Variants in PLEKHA4 observed in about 807,000 individuals in gnomAD.
PLEKHA4 encodes pleckstrin homology domain-containing family A member 4.
In PLEKHA4, 73 loss-of-function variants were observed where a neutral mutation model predicts 94.7. The observed-to-expected ratio is 0.77, with a 90% CI of 0.64 to 0.94. The LOEUF is 0.94. Among genes scored for constraint, PLEKHA4 ranks in the 40% least tolerant of loss-of-function variants. The pLI, the probability that PLEKHA4 is intolerant of heterozygous loss-of-function variation, is 0.00. For synonymous variants in PLEKHA4, 449 were observed against 437.1 expected (o/e 1.03, Z -0.34); for missense variants, 1,049 against 1,054.1 (o/e 1.00, Z 0.07).
intron 2 of PLEKHA4, 125 bp from the exon 3 acceptor site, chr19:48,865,735 C>A: frequency 1.6e-6 from 1 of 630,556 alleles, no homozygotes; most frequent in Non-Finnish European, 2.8e-6. Flanking sequence ...CAAGGACCAG[C>A]CGGGCGCAGT....
At chr19:48,854,175 A>G (rs376349508) in intron 10 of PLEKHA4, 42 bp downstream of exon 10, 1 of 1,606,524 alleles carries the variant, frequency 6.2e-7, no homozygotes, top group East Asian at 2.2e-5. Context: ...TTCTCTCCCC[A>G]ACTCTGGGAA....
At chr19:48,861,371 C>T in intron 5 of PLEKHA4, 30 bp downstream of exon 5, 1 of 1,586,442 alleles carries the variant, frequency 6.3e-7, no homozygotes, top group Non-Finnish European at 8.6e-7. Flanking sequence ...TTCCCATCGC[C>T]TGGTGCACAA....
Position 48,837,317 on chromosome 19 carries a change from C to G in PLEKHA4, c.2312G>C (p.Arg771Pro), listed in dbSNP as rs1405342741. 22 of 1,613,816 alleles carry G rather than the reference C, an allele frequency of 1.4e-5. No individual in the cohort carries two copies. Among genetic ancestry groups the G allele is most frequent in the Non-Finnish European group, 1.9e-5 (22 of 1,180,032 alleles). Reference sequence around the variant, plus strand: ...GAAGCTGGATTGTAGCAGAGTGACTCGCAGAGGCCATGCCCCCTCGTCTTG... The same window carrying G: ...GAAGCTGGATTGTAGCAGAGTGACTGGCAGAGGCCATGCCCCCTCGTCTTG... Reference protein sequence around the residue: ...LPQDEGAWPLRVTLLQSSF With the variant: ...LPQDEGAWPLPVTLLQSSF The change falls in exon 20 of 20, where the codon CGA (arginine) becomes CCA (proline). Residue 771 changes from arginine (R) to proline (P), a missense_variant. Physicochemically the swap from Arg to Pro is moderately radical, Grantham distance 103. Coordinates refer to ENST00000263265, the MANE Select transcript of PLEKHA4 (RefSeq NM_020904.3). This position sits in a 1 kb window ranked among gnomAD's most constrained non-coding sequence, Gnocchi z 4.3.
intron 9 of PLEKHA4, among the ~76,000 whole-genome samples, chr19:48,855,603 CAAAT>C (rs35146886): frequency 0.1 from 14,828 of 142,778 alleles, 1,012 homozygotes; most frequent in Non-Finnish European, 0.15. Flanking sequence ...GATTTCGTCT[CAAAT>C]AAATAAATAA....
chr19:48,859,390 C>T, intron 7 of PLEKHA4, 79 bp downstream of exon 7: 1 of 1,473,714 alleles, frequency 6.8e-7, no homozygotes, highest in Non-Finnish European at 9.3e-7. Flanking sequence ...AAGCAGAAAG[C>T]GCTAAGGCCC....
intron 13 of PLEKHA4, among the ~76,000 whole-genome samples, chr19:48,850,786 C>T (rs2036156066): frequency 6.6e-6 from 1 of 151,584 alleles, no homozygotes; most frequent in African/African-American, 2.4e-5. Flanking sequence ...CATTGCACTC[C>T]GGTCTGGGCA....
intron 3 of PLEKHA4, among the ~76,000 whole-genome samples, chr19:48,862,043 C>G (rs570406381): frequency 1.3e-5 from 2 of 151,628 alleles, no homozygotes; most frequent in South Asian, 2.1e-4. Flanking sequence ...GGGAGGATCA[C>G]TTGAGCCTGG....
At chr19:48,846,298 A>T (rs2035968146) in intron 14 of PLEKHA4, among the ~76,000 whole-genome samples, 1 of 151,466 alleles carries the variant, frequency 6.6e-6, no homozygotes, top group African/African-American at 2.4e-5. Context: ...ATACAAAAAA[A>T]AAATTAGCCG....
chr19:48,844,123 TTATTATTATTATTA>T (rs1568536136), intron 16 of PLEKHA4, among the ~76,000 whole-genome samples: 1,443 of 16,800 alleles, frequency 0.086, 30 homozygotes, highest in South Asian at 0.32. Flanking sequence ...ATTTATTTTA[TTATTATTATTATTA>T]TTATTATTAT....
rs1054634308 is a variant in PLEKHA4 at position 48,841,245 on chromosome 19, T to A, written c.1809A>T (p.Glu603Asp). The A allele has an allele frequency of 6.2e-7, 1 of 1,613,682 alleles. No homozygotes were observed. Among genetic ancestry groups the A allele is most frequent in the Non-Finnish European group, 8.5e-7 (1 of 1,179,908 alleles). ...EQLERMRRNQ[E>D]CGRPFPRPTS... ...TCGGGCGAGGGAAGGGCCGTCCACA[T>A]TCCTGGTTTCTGCGCATCCGCTCCA... The change falls in exon 17 of 20, where the codon GAA becomes GAT. Residue 603 changes from glutamate (E) to aspartate (D), a missense_variant. By Grantham distance (45) the Glu-to-Asp change is conservative. Coordinates refer to ENST00000263265, the MANE Select transcript of PLEKHA4 (RefSeq NM_020904.3).
At chr19:48,865,837 AC>A (rs1453916350) in intron 2 of PLEKHA4, among the ~76,000 whole-genome samples, 3 of 151,652 alleles carry the variant, frequency 2.0e-5, no homozygotes, top group Admixed American at 6.6e-5. Context: ...ACACGGTGAA[AC>A]CCCGTCTCTA....
At chr19:48,854,415 C>G (rs1479999434) in intron 9 of PLEKHA4, 151 bp from the exon 10 acceptor site, 1 of 724,974 alleles carries the variant, frequency 1.4e-6, no homozygotes. Flanking sequence ...GTCACCCAAG[C>G]TGGTGTGCAG....
rs775823051 is a variant in PLEKHA4 at position 48,854,003 on chromosome 19, G to A, written c.1176+4C>T. The A allele has an allele frequency of 2.1e-5, 34 of 1,614,010 alleles. No individual in the cohort carries two copies. Among genetic ancestry groups the A allele is most frequent in the Non-Finnish European group, 2.6e-5 (31 of 1,179,944 alleles). Reference sequence around the variant, plus strand: ...CGCCCTGTCCTTGGCCCAGGGCCCCGCACCTTCTCCTCCTGCTTCTGGTCT... The same window carrying A: ...CGCCCTGTCCTTGGCCCAGGGCCCCACACCTTCTCCTCCTGCTTCTGGTCT... On this transcript the variant is annotated splice_donor_region_variant and intron_variant, in intron 11 of 19. Coordinates refer to ENST00000263265, the MANE Select transcript of PLEKHA4 (RefSeq NM_020904.3).
chr19:48,848,715 T>G (rs1391696641), intron 13 of PLEKHA4, among the ~76,000 whole-genome samples: 1 of 150,644 alleles, frequency 6.6e-6, no homozygotes, highest in Non-Finnish European at 1.5e-5. Context: ...GAGAATTGCT[T>G]GAACCCAGGA....
intron 12 of PLEKHA4, among the ~76,000 whole-genome samples, chr19:48,852,536 G>A (rs1568543842): frequency 6.6e-6 from 1 of 152,114 alleles, no homozygotes; most frequent in Non-Finnish European, 1.5e-5. Context: ...TACACTGCTA[G>A]TGTAGACAAA....
intron 3 of PLEKHA4, among the ~76,000 whole-genome samples, chr19:48,862,728 T>A (rs1345957188): frequency 2.7e-5 from 4 of 150,572 alleles, no homozygotes; most frequent in South Asian, 2.1e-4. Context: ...TTAGCCAGGA[T>A]GGTCTCGATC....
In PLEKHA4 at chr19:48,859,081, C is replaced by A. The variant is rs1336840698; in HGVS notation, c.751G>T (p.Ala251Ser). The A allele has an allele frequency of 7.2e-6, 9 of 1,241,552 alleles. No homozygotes were observed. Among genetic ancestry groups the A allele is most frequent in the Non-Finnish European group, 8.4e-6 (8 of 954,966 alleles). 76.9% of individuals were successfully genotyped at this position (1,241,552 alleles called of 1,614,324 possible). ...SPLSLPRPRS[A>S]PARRPPAPSG... ...GGGGCAGGGGGTCGCCGCGCAGGGG[C>A]AGAACGGGGACGGGGGAGGCTCAGA... is the stretch of plus-strand genomic sequence containing the variant. The change falls in exon 8 of 20, where the codon GCC (alanine) becomes TCC (serine). Residue 251 changes from alanine to serine, a missense_variant. Transcript: ENST00000263265.
chr19:48,851,435 A>G lies in PLEKHA4; in HGVS notation c.1425+793T>C, dbSNP rs1196464076. On this transcript the variant is annotated intron_variant, in intron 13 of 19. Transcript: ENST00000263265. ...AATTCAAGACCAGCCTGACCAACAT[A>G]GAGAAACCCCGTCTCTACTAAAAAT... Among the ~76,000 whole-genome samples the G allele has an allele frequency of 2.2e-5, 3 of 137,220 alleles. No homozygotes were observed. In the Admixed American group the frequency reaches 2.2e-4, roughly 10 times the overall value. 90.0% of individuals were successfully genotyped at this position (137,220 alleles called of 152,430 possible). A position where few individuals can be genotyped will look rare whatever the true frequency, so the allele number is the denominator to read the frequency against.
intron 3 of PLEKHA4, among the ~76,000 whole-genome samples, chr19:48,863,436 T>G (rs1030687413): frequency 1.3e-5 from 2 of 150,038 alleles, no homozygotes; most frequent in African/African-American, 2.4e-5. Context: ...TTTTTTGTTT[T>G]TTTTTTTTTT....
Sources: allele counts gnomAD v4.1 joint callset (sites outside exome capture counted in the v4.1 genomes callset), GRCh38; gene constraint gnomAD v4.1.1; non-coding constraint Gnocchi (gnomAD v3.1); transcripts MANE v1.5; gene names NCBI Gene and HGNC (gene_info 2026-07-23, HGNC 2026-07-21).